INPP4B: variants seen among roughly 807,000 people sequenced by gnomAD.
INPP4B encodes the protein inositol polyphosphate-4-phosphatase type II B.
In INPP4B, 55 loss-of-function variants were observed where a neutral mutation model predicts 122.5. The observed-to-expected ratio is 0.45, with a 90% CI of 0.36 to 0.56. INPP4B has a LOEUF of 0.56. Among genes scored for constraint, INPP4B ranks in the 20% least tolerant of loss-of-function variants. The pLI, the probability that INPP4B is intolerant of heterozygous loss-of-function variation, is 0.00. For missense variants in INPP4B, 1,000 were observed against 1,097.7 expected, an observed-to-expected ratio of 0.91 and a Z score of 1.26; for synonymous variants, 403 against 388.7, an observed-to-expected ratio of 1.04 and a Z score of -0.43.
intron 1 of INPP4B, among the ~76,000 whole-genome samples, chr4:142,828,978 C>G (rs1295676859): frequency 6.6e-6 from 1 of 151,012 alleles, no homozygotes; most frequent in African/African-American, 2.4e-5. Flanking sequence ...CGTATCATGA[C>G]CCCTGACTTC....
chr4:142,825,947 C>A (rs1781399021), intron 1 of INPP4B, among the ~76,000 whole-genome samples: 1 of 152,104 alleles, frequency 6.6e-6, no homozygotes, highest in Non-Finnish European at 1.5e-5. Flanking sequence ...TTTGTCTTAT[C>A]TCGTGTTTTT....
chr4:142,034,944 A>AAC (rs150138985), intron 25 of INPP4B, among the ~76,000 whole-genome samples: 2,071 of 151,822 alleles, frequency 0.014, 43 homozygotes, highest in African/African-American at 0.043. Flanking sequence ...TATCACCTGG[A>AAC]ACACACACAC....
intron 3 of INPP4B, among the ~76,000 whole-genome samples, chr4:142,445,361 A>G (rs1044413230): frequency 6.6e-6 from 1 of 151,428 alleles, no homozygotes; most frequent in Non-Finnish European, 1.5e-5. Context: ...TAATGACTGA[A>G]TTTGCAAAAA....
rs184008144 is a variant in INPP4B, at chr4:142,627,781, A to G, written c.-191+98058T>C. 3.5e-3 allele frequency among the ~76,000 whole-genome samples: 534 copies of G among 152,288 alleles called. 3 individuals are homozygous for G. Among genetic ancestry groups the G allele is most frequent in the Non-Finnish European group, 4.5e-3 (303 of 68,012 alleles). On this transcript the variant is annotated intron_variant, in intron 2 of 25. Coordinates refer to ENST00000262992, the MANE Select transcript of INPP4B (RefSeq NM_001101669.3). Reference sequence around the variant, plus strand: ...TGCTGGCCTCATAAAATGAGTTAGGAGGATTCCCTCTTTTTCTATTGATTG... The same window carrying G: ...TGCTGGCCTCATAAAATGAGTTAGGGGGATTCCCTCTTTTTCTATTGATTG...
At chr4:142,335,483 T>C (rs565945595) in intron 7 of INPP4B, among the ~76,000 whole-genome samples, 12 of 152,346 alleles carry the variant, frequency 7.9e-5, no homozygotes, top group Non-Finnish European at 1.8e-4. Context: ...ATCTCCCATG[T>C]ATACCTTAAG....
chr4:142,677,162 C>T (rs1357792799), intron 2 of INPP4B, among the ~76,000 whole-genome samples: 8 of 151,844 alleles, frequency 5.3e-5, no homozygotes, highest in Admixed American at 5.3e-4. Flanking sequence ...AACAAACAAC[C>T]CCATCAAAAA....
At chr4:142,803,020 AT>A (rs1371982644) in intron 1 of INPP4B, among the ~76,000 whole-genome samples, 2 of 151,940 alleles carry the variant, frequency 1.3e-5, no homozygotes, top group Non-Finnish European at 2.9e-5. Context: ...AAATACAAAA[AT>A]TAGCCAGGCA....
At chr4:142,748,010 T>A (rs1229334699) in intron 1 of INPP4B, among the ~76,000 whole-genome samples, 1 of 152,100 alleles carries the variant, frequency 6.6e-6, no homozygotes, top group African/African-American at 2.4e-5. Flanking sequence ...ACCCCAGAAC[T>A]TAGAGTATAA....
At chr4:142,817,921 G>C (rs1175473038) in intron 1 of INPP4B, among the ~76,000 whole-genome samples, 1 of 152,132 alleles carries the variant, frequency 6.6e-6, no homozygotes, top group East Asian at 1.9e-4. Flanking sequence ...AAACTTAGCT[G>C]TGTGGTATTT....
intron 1 of INPP4B, among the ~76,000 whole-genome samples, chr4:142,747,497 T>C (rs1399534308): frequency 6.6e-6 from 1 of 152,096 alleles, no homozygotes; most frequent in Non-Finnish European, 1.5e-5. Context: ...GAAATACCAT[T>C]TGACCCAGCA....
intron 1 of INPP4B, among the ~76,000 whole-genome samples, chr4:142,781,947 GTCT>G (rs1293780180): frequency 6.6e-6 from 1 of 151,570 alleles, no homozygotes; most frequent in African/African-American, 2.4e-5. Flanking sequence ...TCTAACTTTT[GTCT>G]TGCTAACCTT....
chr4:142,068,105 T>G (rs1423788975), intron 25 of INPP4B, among the ~76,000 whole-genome samples: 4 of 152,186 alleles, frequency 2.6e-5, no homozygotes, highest in East Asian at 1.9e-4. Flanking sequence ...CCCATAAAGG[T>G]AAGCCCATCA....
intron 2 of INPP4B, among the ~76,000 whole-genome samples, chr4:142,691,758 C>T (rs1409647851): frequency 6.6e-6 from 1 of 152,054 alleles, no homozygotes; most frequent in Non-Finnish European, 1.5e-5. Context: ...CTGCAGGGTC[C>T]CTTCTGTTCC....
chr4:142,687,879 C>T (rs1326812411), intron 2 of INPP4B, among the ~76,000 whole-genome samples: 2 of 152,070 alleles, frequency 1.3e-5, no homozygotes, highest in African/African-American at 2.4e-5. Flanking sequence ...TCCGCCTTGT[C>T]CCCCAACAAT....
chr4:142,094,082 T>G (rs895505243), intron 23 of INPP4B, among the ~76,000 whole-genome samples: 2 of 152,184 alleles, frequency 1.3e-5, no homozygotes, highest in Non-Finnish European at 2.9e-5. Context: ...ATAATTTGAT[T>G]TCAGAATTTC....
At chr4:142,521,371 G>A (rs570038035) in intron 2 of INPP4B, among the ~76,000 whole-genome samples, 35 of 152,004 alleles carry the variant, frequency 2.3e-4, no homozygotes, top group African/African-American at 7.2e-4. Flanking sequence ...AAGTTTTGCA[G>A]CAAAGAAAAT....
chr4:142,233,038 C>T (rs1172158759), intron 12 of INPP4B, among the ~76,000 whole-genome samples: 1 of 152,126 alleles, frequency 6.6e-6, no homozygotes, highest in Non-Finnish European at 1.5e-5. Flanking sequence ...CTCCTCATAA[C>T]ATAAAAGTAC....
At chr4:142,296,872 T>A (rs1376636553) in intron 9 of INPP4B, among the ~76,000 whole-genome samples, 1 of 152,222 alleles carries the variant, frequency 6.6e-6, no homozygotes, top group Non-Finnish European at 1.5e-5. Flanking sequence ...GGAAATCGTG[T>A]CCCTAAGGGC....
intron 2 of INPP4B, among the ~76,000 whole-genome samples, chr4:142,486,855 T>G (rs1426430476): frequency 6.6e-6 from 1 of 152,228 alleles, no homozygotes; most frequent in Non-Finnish European, 1.5e-5. Context: ...ATTTCCTCAG[T>G]AAATGCCTTG....
Sources: allele counts gnomAD v4.1 joint callset (sites outside exome capture counted in the v4.1 genomes callset), GRCh38; gene constraint gnomAD v4.1.1; transcripts MANE v1.5; gene names NCBI Gene and HGNC (gene_info 2026-07-23, HGNC 2026-07-21).